Variants in MIA2 observed in about 807,000 individuals in gnomAD.
MIA2 encodes the protein melanoma inhibitory activity protein 2.
Under a neutral mutation model 167.8 loss-of-function variants are expected in MIA2, and 127 were observed. The observed-to-expected ratio is 0.76, with a 90% CI of 0.66 to 0.88. The LOEUF is 0.88. Ranked by LOEUF, MIA2 falls within the 40% of genes least tolerant of loss-of-function variation. The pLI, the probability that MIA2 is intolerant of heterozygous loss-of-function variation, is 0.00. For missense variants in MIA2, 1,690 were observed against 1,624.7 expected, an observed-to-expected ratio of 1.04 and a Z score of -0.69; for synonymous variants, 552 against 541.9, an observed-to-expected ratio of 1.02 and a Z score of -0.26.
chr14:39,355,372 A>G (rs917748265), downstream of MIA2, among the ~76,000 whole-genome samples: 5 of 152,130 alleles, frequency 3.3e-5, no homozygotes, highest in African/African-American at 7.2e-5. Flanking sequence ...TTGGTGTATA[A>G]GAATGCTTGT....
At chr14:39,254,985 T>A (rs2054751420) in intron 6 of MIA2, among the ~76,000 whole-genome samples, 1 of 152,164 alleles carries the variant, frequency 6.6e-6, no homozygotes. Context: ...ACCTGATAAC[T>A]TATGAGGTTT....
intron 9 of MIA2, among the ~76,000 whole-genome samples, chr14:39,285,416 G>T (rs1473608817): frequency 7.0e-6 from 1 of 142,790 alleles, no homozygotes; most frequent in East Asian, 2.1e-4. Flanking sequence ...GCGGCTGGCC[G>T]GGCGGGGGCT....
intron 23 of MIA2, chr14:39,386,759 C>T (rs2075278138): frequency 1.5e-6 from 2 of 1,339,396 alleles, no homozygotes. Context: ...CCTCCTCTAA[C>T]TGAAATGCCC....
At chr14:39,297,989 T>C (rs1416676975) in intron 13 of MIA2, among the ~76,000 whole-genome samples, 1 of 152,158 alleles carries the variant, frequency 6.6e-6, no homozygotes, top group Non-Finnish European at 1.5e-5. Flanking sequence ...CTTTCCATTT[T>C]CTACTTCTAC....
chr14:39,384,942 AAAT>A (rs1206984931), intron 23 of MIA2, among the ~76,000 whole-genome samples: 1 of 152,226 alleles, frequency 6.6e-6, no homozygotes, highest in Non-Finnish European at 1.5e-5. Context: ...TGCAAGTATA[AAAT>A]ACTTGAAATT....
intron 26 of MIA2, chr14:39,347,487 G>A (rs1229281632): frequency 1.9e-6 from 1 of 520,388 alleles, no homozygotes; most frequent in African/African-American, 2.0e-5. Context: ...GGATTGCTTA[G>A]GAACTAGCCA....
At position 39,313,517 on chromosome 14, in the gene MIA2, A is replaced by G. The variant is rs866414996; in HGVS notation, c.3119+76A>G. The G allele has an allele frequency of 4.9e-5, 38 of 769,218 alleles. No homozygotes were observed. The Middle Eastern group carries it at 5.0e-3, about 100-fold the overall frequency. The allele number at this position is 769,218 out of a possible 1,614,324, so 47.6% of individuals were successfully genotyped here. On this transcript the variant is annotated intron_variant, in intron 19 of 28. Coordinates refer to ENST00000640607, the MANE Select transcript of MIA2 (RefSeq NM_001329214.4). ...AAAAACTTAATGCCAGAAAAATAAT[A>G]AATCAAATGAAAATAGAAAACATTT... is the stretch of plus-strand genomic sequence containing the variant.
chr14:39,285,003 C>T (rs2059421168), intron 9 of MIA2, among the ~76,000 whole-genome samples: 1 of 152,280 alleles, frequency 6.6e-6, no homozygotes, highest in East Asian at 1.9e-4. Context: ...ACATCTTGCA[C>T]CGCCCTTAAT....
intron 1 of MIA2, among the ~76,000 whole-genome samples, chr14:39,236,681 A>C (rs185093863): frequency 1.8e-3 from 281 of 152,292 alleles, no homozygotes; most frequent in African/African-American, 6.4e-3. Context: ...AAGGGATAGG[A>C]AGAGGTCCTT....
At chr14:39,293,711 C>G (rs925708192) in intron 11 of MIA2, among the ~76,000 whole-genome samples, 1 of 152,076 alleles carries the variant, frequency 6.6e-6, no homozygotes, top group Admixed American at 6.6e-5. Flanking sequence ...AAAAACCTGT[C>G]TTAATGAAAA....
chr14:39,274,157 A>G (rs916941409), intron 6 of MIA2, among the ~76,000 whole-genome samples: 2 of 152,182 alleles, frequency 1.3e-5, no homozygotes, highest in Non-Finnish European at 2.9e-5. Flanking sequence ...GTGTTCTGTG[A>G]TTAATCACTA....
chr14:39,239,488 G>C (rs1009212198), intron 2 of MIA2, among the ~76,000 whole-genome samples: 6 of 152,158 alleles, frequency 3.9e-5, no homozygotes, highest in Admixed American at 2.0e-4. Flanking sequence ...CTGGAAGTTA[G>C]AGGTTACAGT....
At chr14:39,240,238 C>T (rs2053979221) in intron 2 of MIA2, among the ~76,000 whole-genome samples, 1 of 152,126 alleles carries the variant, frequency 6.6e-6, no homozygotes. Flanking sequence ...CCCAGGTCTA[C>T]TAGTGTAAAT....
At chr14:39,267,626 G>C (rs1173580820) in intron 6 of MIA2, 1 of 1,371,966 alleles carries the variant, frequency 7.3e-7, no homozygotes, top group African/African-American at 1.4e-5. Context: ...CGTGGTCAGA[G>C]GTCCCGAAGC....
intron 14 of MIA2, among the ~76,000 whole-genome samples, chr14:39,301,069 C>T (rs917472014): frequency 5.3e-4 from 52 of 98,476 alleles, no homozygotes; most frequent in East Asian, 3.9e-3. Context: ...CACACACACA[C>T]ACACACACGA....
rs376468556 is a variant in MIA2, at chr14:39,345,985, C to G, written c.3737C>G (p.Ala1246Gly). 3 of 1,611,260 alleles carry G rather than the reference C, an allele frequency of 1.9e-6. No homozygotes were observed. The highest frequency in any genetic ancestry group is 2.7e-5 in the African/African-American group (2 of 74,874). ...AATTCTGGTAGACTGTCTGGACCAG[C>G]AGAACTCAGAAGTTTTAATATGCCT... ...CSNSGRLSGP[A>G]ELRSFNMPSL... The change falls in exon 26 of 29, where the codon GCA becomes GGA. Residue 1246 changes from alanine (A) to glycine (G), a missense_variant. Coordinates refer to ENST00000640607, the MANE Select transcript of MIA2 (RefSeq NM_001329214.4).
intron 16 of MIA2, 58 bp from the exon 17 acceptor site, chr14:39,304,233 T>TC: frequency 1.2e-6 from 1 of 815,272 alleles, no homozygotes; most frequent in East Asian, 3.0e-5. Context: ...TATTTTTTAT[T>TC]TTTATTTTTT....
chr14:39,386,794 G>T (rs2075278714), intron 23 of MIA2: 2 of 1,104,238 alleles, frequency 1.8e-6, no homozygotes, highest in Admixed American at 1.7e-5. Context: ...CTAAGTGATA[G>T]ATTAGTGTCA....
chr14:39,303,908 T>G (rs560056806), intron 16 of MIA2, among the ~76,000 whole-genome samples: 1 of 152,250 alleles, frequency 6.6e-6, no homozygotes, highest in South Asian at 2.1e-4. Flanking sequence ...GGTTTATTCC[T>G]TCTCTTTTCC....
Sources: gnomAD v4.1 joint callset for allele counts (sites outside exome capture counted in the v4.1 genomes callset) on GRCh38, gnomAD v4.1.1 for gene constraint, MANE v1.5 for transcripts, NCBI Gene and HGNC (gene_info 2026-07-23, HGNC 2026-07-21) for gene names.